NRP1: variants seen among roughly 807,000 people sequenced by gnomAD.
NRP1 encodes the protein neuropilin-1.
Under a neutral mutation model 106.7 loss-of-function variants are expected in NRP1, and 35 were observed. The ratio of observed to expected loss-of-function variants is 0.33; its 90% CI spans 0.25 to 0.43. The LOEUF is 0.43. Among genes scored for constraint, NRP1 ranks in the 20% least tolerant of loss-of-function variants. NRP1 has a pLI of 1.00. For synonymous variants in NRP1, 437 were observed against 417.9 expected (o/e 1.05, Z -0.56); for missense variants, 1,024 against 1,170.4 (o/e 0.87, Z 1.83).
chr10:33,221,691 A>G (rs1446690935), intron 8 of NRP1, 28 bp downstream of exon 8: 5 of 1,599,864 alleles, frequency 3.1e-6, no homozygotes, highest in Non-Finnish European at 4.3e-6. Context: ...GACTTGGAAG[A>G]TTCAGTCTTC....
At chr10:33,203,063 A>G in intron 10 of NRP1, 68 bp from the exon 11 acceptor site, 1 of 1,505,594 alleles carries the variant, frequency 6.6e-7, no homozygotes, top group Non-Finnish European at 9.0e-7. Flanking sequence ...TGGCTGTTGG[A>G]TCTGCTAACG....
chr10:33,195,074 G>A (rs1006651990), intron 12 of NRP1, among the ~76,000 whole-genome samples: 3 of 152,192 alleles, frequency 2.0e-5, no homozygotes, highest in African/African-American at 7.2e-5. Flanking sequence ...CAGCCTCTGA[G>A]AGCAAGTACC....
intron 9 of NRP1, chr10:33,212,964 C>G (rs1478580620): frequency 8.8e-6 from 4 of 453,602 alleles, no homozygotes; most frequent in Non-Finnish European, 1.6e-5. Flanking sequence ...AGCCACTGAG[C>G]CTGGCCCACA....
rs767999607 is a variant in NRP1 at position 33,226,176 on chromosome 10, G to C, written c.1095C>G (p.Asn365Lys). 6.2e-7 allele frequency: 1 copy of C among 1,614,040 alleles called. No homozygotes were observed. The highest frequency in any genetic ancestry group is 8.5e-7 in the Non-Finnish European group (1 of 1,180,030). The change falls in exon 7 of 17, where the codon AAC becomes AAG. Residue 365 changes from asparagine to lysine, a missense_variant. Asn to Lys is a moderately conservative substitution (Grantham distance 94). Coordinates refer to ENST00000374867, the MANE Select transcript of NRP1 (RefSeq NM_003873.7). ...VKTYKIDVSSNGEDWITIKEG... is the reference protein window; with the variant it reads ...VKTYKIDVSSKGEDWITIKEG... The stretch of plus-strand genomic sequence containing the variant: ...CTTTTATGGTGATCCAGTCTTCCCC[G>C]TTGGAGCTAACGTCGATCTTGTAAG...
intron 2 of NRP1, among the ~76,000 whole-genome samples, chr10:33,275,835 A>G (rs1458718236): frequency 6.6e-6 from 1 of 151,948 alleles, no homozygotes; most frequent in Non-Finnish European, 1.5e-5. Context: ...ACTTGAGCCC[A>G]GGAGTCTGAG....
chr10:33,205,445 A>G (rs1319430945), intron 10 of NRP1: 1 of 152,142 alleles, frequency 6.6e-6, no homozygotes, highest in Non-Finnish European at 1.5e-5. Flanking sequence ...AAGACAGGGG[A>G]ATTGCAATAG....
intron 2 of NRP1, among the ~76,000 whole-genome samples, chr10:33,319,385 T>C (rs1194729492): frequency 6.6e-6 from 1 of 151,966 alleles, no homozygotes; most frequent in South Asian, 2.1e-4. Flanking sequence ...CAGCGCTCTG[T>C]AGCTAGCTAG....
intron 2 of NRP1, among the ~76,000 whole-genome samples, chr10:33,310,215 C>T (rs1268578206): frequency 7.1e-6 from 1 of 141,624 alleles, no homozygotes; most frequent in African/African-American, 2.6e-5. Flanking sequence ...TCCGAAAGTG[C>T]TGGGATTACA....
At chr10:33,238,957 A>G (rs1231439058) in intron 6 of NRP1, among the ~76,000 whole-genome samples, 1 of 151,198 alleles carries the variant, frequency 6.6e-6, no homozygotes, top group Non-Finnish European at 1.5e-5. Flanking sequence ...TTTTGCCAGT[A>G]GTACCTAGAT....
intron 6 of NRP1, among the ~76,000 whole-genome samples, chr10:33,232,895 G>A (rs1032579273): frequency 2.3e-4 from 35 of 151,958 alleles, no homozygotes; most frequent in African/African-American, 8.0e-4. Flanking sequence ...TGATCTGCCC[G>A]CCTTGGCCTC....
chr10:33,179,782 AGG>A lies in NRP1; in HGVS notation c.*292_*293del. On this transcript the variant is annotated 3_prime_UTR_variant, in exon 17 of 17. Transcript: ENST00000374867. ...CAAAGGGGAGAGGAGAGAGAGAGAG[AGG>A]GGCAGGAGGGGTCGAAATGAATGAT... 3.1e-6 allele frequency: 1 copy of A among 323,460 alleles called. No homozygotes were observed. Among genetic ancestry groups the A allele is most frequent in the Non-Finnish European group, 5.7e-6 (1 of 174,364 alleles). 20.0% of individuals were successfully genotyped at this position (323,460 alleles called of 1,614,324 possible).
intron 2 of NRP1, among the ~76,000 whole-genome samples, chr10:33,323,936 T>C (rs1847707759): frequency 6.6e-6 from 1 of 152,172 alleles, no homozygotes; most frequent in Admixed American, 6.5e-5. Context: ...TTGGATCAGT[T>C]AAGTGCCTGC....
chr10:33,233,777 G>A (rs751626404), intron 6 of NRP1, among the ~76,000 whole-genome samples: 2 of 152,132 alleles, frequency 1.3e-5, no homozygotes, highest in Admixed American at 1.3e-4. Context: ...GAGACTGTCG[G>A]ATTTTCTTTG....
chr10:33,286,951 C>T (rs1443591214), intron 2 of NRP1, among the ~76,000 whole-genome samples: 1 of 151,966 alleles, frequency 6.6e-6, no homozygotes, highest in Non-Finnish European at 1.5e-5. Flanking sequence ...TGCAATAATC[C>T]CCCTTCCCAG....
Position 33,298,269 on chromosome 10 carries a change from T to C in NRP1, c.249-27413A>G, listed in dbSNP as rs536722400. Among the ~76,000 whole-genome samples, 121 of 152,300 alleles carry C rather than the reference T, an allele frequency of 7.9e-4. 1 individual carries two copies. The highest frequency in any genetic ancestry group is 5.1e-3 in the Admixed American group (78 of 15,294). On this transcript the variant is annotated intron_variant, in intron 2 of 16. Transcript: ENST00000374867. ...TCAGGTAGACCTCTGTCATCTCTGC[T>C]TCACTGGGGTTTACTGCCAGGGCGT...
intron 2 of NRP1, among the ~76,000 whole-genome samples, chr10:33,295,509 ACCAGC>A (rs1207867320): frequency 6.6e-6 from 1 of 152,086 alleles, no homozygotes; most frequent in African/African-American, 2.4e-5. Flanking sequence ...GGAGTTCCAG[ACCAGC>A]CTGGGCAAAA....
At chr10:33,194,565 GAC>G (rs1836639657) in intron 12 of NRP1, 1 of 314,100 alleles carries the variant, frequency 3.2e-6, no homozygotes, top group African/African-American at 2.2e-5. Flanking sequence ...TTCAGAGAAT[GAC>G]AGTCTGCCTT....
chr10:33,320,290 C>T (rs952695237), intron 2 of NRP1, among the ~76,000 whole-genome samples: 1 of 146,832 alleles, frequency 6.8e-6, no homozygotes, highest in Non-Finnish European at 1.5e-5. Context: ...TCCAGCCTGG[C>T]GATGGAGCAA....
At chr10:33,334,233 C>T in intron 1 of NRP1, 77 bp downstream of exon 1, 1 of 1,371,316 alleles carries the variant, frequency 7.3e-7, no homozygotes, top group Non-Finnish European at 9.9e-7. Flanking sequence ...CCGGGAAGCC[C>T]CGCCTGAGCC....
Sources: gnomAD v4.1 joint callset for allele counts (sites outside exome capture counted in the v4.1 genomes callset) on GRCh38, gnomAD v4.1.1 for gene constraint, MANE v1.5 for transcripts, NCBI Gene and HGNC (gene_info 2026-07-23, HGNC 2026-07-21) for gene names.